Variants in CARF observed in about 807,000 individuals in gnomAD.
The protein encoded by CARF is calcium-responsive transcription factor.
Under a neutral mutation model 82.0 loss-of-function variants are expected in CARF, and 57 were observed. The observed-to-expected ratio is 0.70, with a 90% CI of 0.56 to 0.87. The LOEUF is 0.87. Among genes scored for constraint, CARF ranks in the 40% least tolerant of loss-of-function variants. CARF has a pLI of 0.00. For synonymous variants in CARF, 268 were observed against 290.1 expected (o/e 0.92, Z 0.77); for missense variants, 771 against 855.8 (o/e 0.90, Z 1.24).
intron 2 of CARF, 101 bp downstream of exon 2, chr2:202,918,144 G>T: frequency 2.9e-6 from 1 of 342,028 alleles, no homozygotes; most frequent in East Asian, 8.9e-5. Flanking sequence ...GTATATAGGT[G>T]CTTTGTTCTA....
At chr2:202,977,154 G>C (rs1451682407) in intron 13 of CARF, 115 bp from the exon 14 acceptor site, 11 of 723,090 alleles carry the variant, frequency 1.5e-5, no homozygotes, top group Non-Finnish European at 2.6e-5. Flanking sequence ...AGTGAAGAGA[G>C]TAGTTGCAGA....
rs2060444917 is a variant in CARF at position 202,986,869 on chromosome 2, T to TATATATATATATATATATAC, written c.*3264_*3265insCATATATATATATATATATA. 1 of 16,608 alleles carries TATATATATATATATATATAC rather than the reference T, an allele frequency of 6.0e-5. No individual in the cohort carries two copies. The highest frequency in any genetic ancestry group is 2.6e-4 in the African/African-American group (1 of 3,780). The allele number at this position is 16,608 out of a possible 1,614,324, so 1.0% of individuals were successfully genotyped here. On this transcript the variant is annotated 3_prime_UTR_variant, in exon 17 of 17. Transcript: ENST00000438828. ...AAGAGGTTTAAAAAATGTCTGTGCG[T>TATATATATATATATATATAC]ATATATATATATATATATATATATA...
chr2:202,959,816 A>C (rs200907457), intron 8 of CARF, among the ~76,000 whole-genome samples: 1 of 2,334 alleles, frequency 4.3e-4, no homozygotes, highest in Admixed American at 5.0e-3. Context: ...TCTCAAAAAC[A>C]AAAAAAAAAA....
intron 2 of CARF, among the ~76,000 whole-genome samples, chr2:202,920,813 A>G (rs1449608040): frequency 6.6e-6 from 1 of 152,184 alleles, no homozygotes; most frequent in Non-Finnish European, 1.5e-5. Context: ...CCTAATAGAT[A>G]TTTCATTTTT....
chr2:202,956,200 T>C (rs72926788), intron 8 of CARF, among the ~76,000 whole-genome samples: 3,820 of 152,200 alleles, frequency 0.025, 80 homozygotes, highest in Non-Finnish European at 0.037. Context: ...AACTGACATC[T>C]ACAAAAATGA....
chr2:202,918,264 T>C (rs1472822862), intron 2 of CARF, among the ~76,000 whole-genome samples: 1 of 152,160 alleles, frequency 6.6e-6, no homozygotes, highest in African/African-American at 2.4e-5. Context: ...CTCATGCCTG[T>C]AATCCCAGCA....
At chr2:202,957,916 A>G (rs936106879) in intron 8 of CARF, among the ~76,000 whole-genome samples, 1 of 152,032 alleles carries the variant, frequency 6.6e-6, no homozygotes, top group African/African-American at 2.4e-5. Flanking sequence ...ACTGCATTCC[A>G]GTCCGTGACA....
At chr2:202,920,232 G>T (rs968981669) in intron 2 of CARF, among the ~76,000 whole-genome samples, 1 of 150,554 alleles carries the variant, frequency 6.6e-6, no homozygotes, top group African/African-American at 2.4e-5. Flanking sequence ...TCAGCTCACT[G>T]CAAGCTCCGC....
chr2:202,977,613 C>A (rs896754589), intron 14 of CARF, among the ~76,000 whole-genome samples: 3 of 152,156 alleles, frequency 2.0e-5, no homozygotes, highest in Non-Finnish European at 4.4e-5. Context: ...GTAGTAATAA[C>A]CCTAAGATGC....
intron 6 of CARF, 44 bp downstream of exon 6, chr2:202,952,723 A>T: frequency 6.4e-7 from 1 of 1,557,820 alleles, no homozygotes; most frequent in Non-Finnish European, 8.7e-7. Flanking sequence ...TGTTTTAAAA[A>T]CATAAATATT....
At chr2:202,942,029 G>A in intron 4 of CARF, 49 bp downstream of exon 4, 2 of 1,384,164 alleles carry the variant, frequency 1.4e-6, no homozygotes, top group Non-Finnish European at 2.1e-6. Flanking sequence ...AAAACAGCAT[G>A]CCATTTAACA....
chr2:202,984,219 T>A lies in CARF; in HGVS notation c.*595T>A, dbSNP rs2060366788. 6.6e-6 allele frequency: 1 copy of A among 152,238 alleles called. No homozygotes were observed. The highest frequency in any genetic ancestry group is 6.5e-5 in the Admixed American group (1 of 15,280). The allele number at this position is 152,238 out of a possible 1,614,324, so 9.4% of individuals were successfully genotyped here. On this transcript the variant is annotated 3_prime_UTR_variant, in exon 17 of 17. Coordinates refer to ENST00000438828, the MANE Select transcript of CARF (RefSeq NM_024744.17). ...GAAACTGTGCAGTTGCATTTTAGCC[T>A]CTTCCCTTCCAATTTTTGTACTTTT...
chr2:202,944,907 A>C, intron 5 of CARF, among the ~76,000 whole-genome samples: 1 of 152,132 alleles, frequency 6.6e-6, no homozygotes, highest in East Asian at 1.9e-4. Context: ...AAAGTTAATT[A>C]ACACTCTTTG....
chr2:202,971,472 AT>A (rs749713849), intron 11 of CARF, 32 bp from the exon 12 acceptor site: 1 of 1,312,124 alleles, frequency 7.6e-7, no homozygotes, highest in South Asian at 1.3e-5. Flanking sequence ...TAATGTTTAA[AT>A]TTTAGTAATT....
At chr2:202,980,638 A>ATATATATATATATATATATATATC in intron 14 of CARF, among the ~76,000 whole-genome samples, 1 of 82,102 alleles carries the variant, frequency 1.2e-5, no homozygotes, top group Non-Finnish European at 2.6e-5. Flanking sequence ...ATATATATAT[A>ATATATATATATATATATATATATC]TATATATATA....
At chr2:202,918,246 C>T (rs1034455926) in intron 2 of CARF, among the ~76,000 whole-genome samples, 1 of 152,178 alleles carries the variant, frequency 6.6e-6, no homozygotes, top group East Asian at 1.9e-4. Context: ...CAGGGCCAGG[C>T]GCGGTGGCTC....
chr2:202,913,635 T>C (rs963501124), intron 1 of CARF, among the ~76,000 whole-genome samples: 1 of 152,248 alleles, frequency 6.6e-6, no homozygotes, highest in African/African-American at 2.4e-5. Flanking sequence ...GTTATTGTAG[T>C]GGTGAGGATT....
chr2:202,982,193 A>G lies in CARF; in HGVS notation c.1811A>G (p.Asn604Ser), dbSNP rs1469323451. Residue 604 changes from asparagine to serine, a missense_variant, in exon 16 of 17, where the codon AAT becomes AGT. Coordinates refer to ENST00000438828, the MANE Select transcript of CARF (RefSeq NM_024744.17). ...GATACAATAGGAAGTGCTGTAATGA[A>G]TAATAATTCTCTACTGCTTGGTCAA... Reference protein sequence around the residue: ...LLDTIGSAVMNNNSLLLGQSH... With the variant: ...LLDTIGSAVMSNNSLLLGQSH... The G allele has an allele frequency of 6.2e-7, 1 of 1,614,070 alleles. No homozygotes were observed. Among genetic ancestry groups the G allele is most frequent in the Non-Finnish European group, 8.5e-7 (1 of 1,180,026 alleles).
intron 14 of CARF, among the ~76,000 whole-genome samples, chr2:202,978,022 T>C (rs992932434): frequency 1.3e-5 from 2 of 152,168 alleles, no homozygotes; most frequent in African/African-American, 4.8e-5. Context: ...ATTTTTGTAT[T>C]TTTAGTAGAG....
Sources: allele counts gnomAD v4.1 joint callset (sites outside exome capture counted in the v4.1 genomes callset), GRCh38; gene constraint gnomAD v4.1.1; transcripts MANE v1.5; gene names NCBI Gene and HGNC (gene_info 2026-07-23, HGNC 2026-07-21).